The following ASIC2 variants were observed in gnomAD, a reference collection of about 807,000 sequenced individuals.
ASIC2 encodes the protein acid-sensing ion channel 2.
Under a neutral mutation model 57.3 loss-of-function variants are expected in ASIC2, and 25 were observed. The ratio of observed to expected loss-of-function variants is 0.44; its 90% CI spans 0.32 to 0.61. The LOEUF (loss-of-function observed/expected upper bound fraction) is 0.61, where lower values mean the gene tolerates loss of function less well. Ranked by LOEUF, ASIC2 falls within the 20% of genes least tolerant of loss-of-function variation. The probability of loss-of-function intolerance (pLI) is 0.06; values close to 1 mark genes in which losing one functional copy is unlikely to be tolerated. For missense variants in ASIC2, 641 were observed against 738.1 expected (o/e 0.87, Z 1.52); for synonymous variants, 319 against 307.5 (o/e 1.04, Z -0.39).
intron 1 of ASIC2, among the ~76,000 whole-genome samples, chr17:33,510,565 G>A (rs564801266): frequency 2.0e-5 from 3 of 152,272 alleles, no homozygotes; most frequent in Non-Finnish European, 2.9e-5. Context: ...CCAGGAGGTC[G>A]AGTCTGCAGT....
intron 1 of ASIC2, among the ~76,000 whole-genome samples, chr17:33,640,773 CTA>C (rs61426390): frequency 0.11 from 16,668 of 152,236 alleles, 1,221 homozygotes; most frequent in South Asian, 0.16. Flanking sequence ...TTAGTTATCT[CTA>C]GAGTCCCTCG....
At chr17:33,914,038 C>A (rs977068871) in intron 1 of ASIC2, among the ~76,000 whole-genome samples, 1 of 152,126 alleles carries the variant, frequency 6.6e-6, no homozygotes, top group Non-Finnish European at 1.5e-5. Flanking sequence ...AGACCATAAT[C>A]CCAGGGAATC....
intron 1 of ASIC2, among the ~76,000 whole-genome samples, chr17:33,328,233 G>T (rs1907157110): frequency 6.6e-6 from 1 of 152,154 alleles, no homozygotes; most frequent in Admixed American, 6.5e-5. Context: ...CATCCATCGT[G>T]TTACAAAAAG....
At chr17:33,891,893 T>A (rs892352617) in intron 1 of ASIC2, among the ~76,000 whole-genome samples, 1 of 152,204 alleles carries the variant, frequency 6.6e-6, no homozygotes, top group African/African-American at 2.4e-5. Flanking sequence ...CCCACATCCC[T>A]CCCTGGAGCT....
chr17:33,100,805 C>T (rs1435592029), intron 2 of ASIC2, among the ~76,000 whole-genome samples: 1 of 152,178 alleles, frequency 6.6e-6, no homozygotes, highest in Non-Finnish European at 1.5e-5. Flanking sequence ...GAGGTTGGGG[C>T]TGTCTCATCT....
intron 1 of ASIC2, among the ~76,000 whole-genome samples, chr17:33,284,319 C>A (rs1440937982): frequency 6.6e-6 from 1 of 152,194 alleles, no homozygotes; most frequent in Non-Finnish European, 1.5e-5. Context: ...CTTCAAGTTA[C>A]CAGTGTCCTT....
At chr17:33,402,750 G>A (rs931079841) in intron 1 of ASIC2, among the ~76,000 whole-genome samples, 8 of 152,076 alleles carry the variant, frequency 5.3e-5, no homozygotes, top group African/African-American at 7.2e-5. Flanking sequence ...GTGAACATAC[G>A]CGTGTACGTA....
At chr17:33,275,560 A>G (rs1269286791) in intron 1 of ASIC2, among the ~76,000 whole-genome samples, 2 of 151,784 alleles carry the variant, frequency 1.3e-5, no homozygotes, top group Non-Finnish European at 2.9e-5. Context: ...TTAGACCCGG[A>G]CTCTTGCTAG....
At chr17:33,853,588 C>A (rs1047963409) in intron 1 of ASIC2, among the ~76,000 whole-genome samples, 2 of 152,176 alleles carry the variant, frequency 1.3e-5, no homozygotes, top group African/African-American at 4.8e-5. Flanking sequence ...ATGGGTGGCC[C>A]ATTAATGATG....
chr17:33,595,939 T>G (rs1904965787), intron 1 of ASIC2, among the ~76,000 whole-genome samples: 1 of 152,296 alleles, frequency 6.6e-6, no homozygotes, highest in South Asian at 2.1e-4. Flanking sequence ...AGCTAAATAG[T>G]TCCTCCCCCT....
At position 33,247,254 on chromosome 17, in the gene ASIC2, G is replaced by A. The variant is rs531351150; in HGVS notation, c.708+44154C>T. ...TGAGCCAATTTCTAGTCAAATAACC[G>A]CAAAGGCAGGATTTTAAAATCCTTT... On this transcript the variant is annotated intron_variant, in intron 1 of 9. Coordinates refer to ENST00000225823, the MANE Select transcript of ASIC2 (RefSeq NM_183377.2). Among the ~76,000 whole-genome samples, 499 of 152,180 alleles carry A rather than the reference G, an allele frequency of 3.3e-3. 2 individuals are homozygous for A. The highest frequency in any genetic ancestry group is 6.8e-3 in the Middle Eastern group (2 of 294).
chr17:33,910,063 C>T (rs909541964), intron 1 of ASIC2, among the ~76,000 whole-genome samples: 29 of 152,122 alleles, frequency 1.9e-4, no homozygotes, highest in African/African-American at 6.3e-4. Flanking sequence ...AGTGAATACC[C>T]GTGCAGTGCT....
chr17:33,367,740 C>T (rs111550113), intron 1 of ASIC2, among the ~76,000 whole-genome samples: 35 of 152,168 alleles, frequency 2.3e-4, no homozygotes, highest in African/African-American at 7.7e-4. Flanking sequence ...ATAAGACTGC[C>T]ACCATTGTTA....
At chr17:33,871,586 T>G (rs547348010) in intron 1 of ASIC2, among the ~76,000 whole-genome samples, 9 of 152,252 alleles carry the variant, frequency 5.9e-5, no homozygotes, top group Non-Finnish European at 1.0e-4. Flanking sequence ...GCTCAGGATC[T>G]GGAGAGAGGA....
At chr17:33,817,068 A>G (rs1912605039) in intron 1 of ASIC2, among the ~76,000 whole-genome samples, 1 of 152,174 alleles carries the variant, frequency 6.6e-6, no homozygotes, top group African/African-American at 2.4e-5. Flanking sequence ...TGCACACTGG[A>G]ACCACCTGGG....
At chr17:33,741,126 G>A (rs1235962979) in intron 1 of ASIC2, among the ~76,000 whole-genome samples, 1 of 152,188 alleles carries the variant, frequency 6.6e-6, no homozygotes, top group East Asian at 1.9e-4. Flanking sequence ...GGGCATCAGG[G>A]AGAGGCACAG....
At position 33,788,532 on chromosome 17, in the gene ASIC2, A is replaced by T. The variant is rs142243217; in HGVS notation, c.555+367446T>A. Among the ~76,000 whole-genome samples the T allele has an allele frequency of 2.9e-3, 440 of 152,288 alleles. 1 individual carries two copies. Among genetic ancestry groups the T allele is most frequent in the Admixed American group, 5.2e-3 (79 of 15,288 alleles). The stretch of plus-strand genomic sequence containing the variant: ...GATCTAGAACCAGAAATACCATTTG[A>T]CCCAGCAATCTCATTACTGGTTATA... On this transcript the variant is annotated intron_variant, in intron 1 of 9. Coordinates refer to the ASIC2 transcript ENST00000359872.
At chr17:33,902,336 C>T in intron 1 of ASIC2, among the ~76,000 whole-genome samples, 1 of 152,158 alleles carries the variant, frequency 6.6e-6, no homozygotes, top group East Asian at 1.9e-4. Context: ...CAACAGAGCA[C>T]CTAGAAGGAA....
chr17:33,825,579 T>A (rs540724206), intron 1 of ASIC2, among the ~76,000 whole-genome samples: 6 of 152,342 alleles, frequency 3.9e-5, no homozygotes, highest in Non-Finnish European at 8.8e-5. Context: ...GGGAAAGAAC[T>A]ACCTCCTCTG....
Sources: allele counts gnomAD v4.1 joint callset (sites outside exome capture counted in the v4.1 genomes callset), GRCh38; gene constraint gnomAD v4.1.1; transcripts MANE v1.5; gene names NCBI Gene and HGNC (gene_info 2026-07-23, HGNC 2026-07-21).